IL17RD: variants seen among roughly 807,000 people sequenced by gnomAD.
IL17RD encodes interleukin 17 receptor D.
IL17RD carries 52 observed loss-of-function variants against 80.5 expected under a neutral mutation model. The ratio of observed to expected loss-of-function variants is 0.65; its 90% CI spans 0.52 to 0.81. IL17RD has a LOEUF of 0.81. IL17RD is among the 40% of genes least tolerant of loss of function. The probability of loss-of-function intolerance (pLI) is 0.00; values close to 1 mark genes in which losing one functional copy is unlikely to be tolerated. For missense variants in IL17RD, 1,024 were observed against 955.1 expected (o/e 1.07, Z -0.95); for synonymous variants, 416 against 391.8 (o/e 1.06, Z -0.73).
intron 1 of IL17RD, among the ~76,000 whole-genome samples, chr3:57,152,494 C>T (rs975716841): frequency 3.3e-5 from 5 of 152,178 alleles, no homozygotes; most frequent in African/African-American, 4.8e-5. Context: ...AACAAACGCC[C>T]GGCACACAGG....
At chr3:57,102,631 T>C (rs1332556157) in intron 9 of IL17RD, 42 bp from the exon 10 acceptor site, 12 of 1,075,968 alleles carry the variant, frequency 1.1e-5, no homozygotes, top group Non-Finnish European at 1.6e-5. Flanking sequence ...TTAAGCAGTG[T>C]AAAGGTTCAA....
chr3:57,101,118 G>A, intron 11 of IL17RD, 61 bp downstream of exon 11: 1 of 1,384,576 alleles, frequency 7.2e-7, no homozygotes, highest in Non-Finnish European at 1.0e-6. Flanking sequence ...GAAGGCAGCG[G>A]GGAGAGAGTA....
Position 57,103,433 on chromosome 3 carries a change from C to A in IL17RD, c.814-288G>T, listed in dbSNP as rs1463657. Among the ~76,000 whole-genome samples, 93,508 of 151,968 alleles carry A rather than the reference C, an allele frequency of 0.62. 30,035 individuals carry two copies. The highest frequency in any genetic ancestry group is 0.7 in the Non-Finnish European group (47,441 of 67,982). ...TGAAGAAGTCAGCTGGTGAGTCCCA[C>A]GTTCTAATAATGCTCAATTAAACTG... On this transcript the variant is annotated intron_variant, in intron 8 of 12. Coordinates refer to ENST00000296318, the MANE Select transcript of IL17RD (RefSeq NM_017563.5).
rs747476458 is a variant in IL17RD, at chr3:57,103,096, T to G, written c.863A>C (p.Lys288Thr). The G allele has an allele frequency of 1.3e-6, 2 of 1,598,872 alleles. No homozygotes were observed. The highest frequency in any genetic ancestry group is 1.7e-6 in the Non-Finnish European group (2 of 1,171,718). The part of the protein sequence containing the change: ...TTRKVMHYAL[K>T]PVHSPWAGPI... ...TCAAACAAAAAAGCACCTACCTGGC[T>G]TTAAGGCATAATGCATCACTTTTCT... Residue 288 changes from lysine (K) to threonine (T), a missense_variant, in exon 9 of 13, where the codon AAG (lysine) becomes ACG (threonine). Lys to Thr is a moderately conservative substitution (Grantham distance 78). Coordinates refer to ENST00000296318, the MANE Select transcript of IL17RD (RefSeq NM_017563.5).
chr3:57,148,093 G>T lies in IL17RD; in HGVS notation c.126+17068C>A, dbSNP rs868390293. Among the ~76,000 whole-genome samples the T allele has an allele frequency of 6.9e-5, 8 of 115,150 alleles. 1 individual carries two copies. Among genetic ancestry groups the T allele is most frequent in the Admixed American group, 6.3e-4 (7 of 11,126 alleles). The allele number at this position is 115,150 out of a possible 152,430, so 75.5% of individuals were successfully genotyped here. ...GCACTTTGGGAGGCCAAGGTTGGGG[G>T]GGGGGGGGGGGCGATCGCTAGGTCA... On this transcript the variant is annotated intron_variant, in intron 1 of 12. Coordinates refer to ENST00000296318, the MANE Select transcript of IL17RD (RefSeq NM_017563.5).
chr3:57,154,283 T>TATATACACACACACACACACACACACAC (rs904157398), intron 1 of IL17RD, among the ~76,000 whole-genome samples: 20 of 112,900 alleles, frequency 1.8e-4, no homozygotes, highest in African/African-American at 6.0e-4. Context: ...TATATATATA[T>TATATACACACACACACACACACACACAC]ACACACACAC....
rs77254065 is a variant in IL17RD at position 57,145,616 on chromosome 3, T to C, written c.126+19545A>G. ...GTGAGATGAAAAACAGACACCCAGG[T>C]GCAAGGGGCAAGTGTCTAGGTAGCA... On this transcript the variant is annotated intron_variant, in intron 1 of 12. Coordinates refer to ENST00000296318, the MANE Select transcript of IL17RD (RefSeq NM_017563.5). Among the ~76,000 whole-genome samples the C allele has an allele frequency of 8.8e-3, 1,334 of 152,262 alleles. 12 individuals carry two copies. The highest frequency in any genetic ancestry group is 0.017 in the Admixed American group (260 of 15,294).
At chr3:57,148,104 G>GGAGC (rs1491387894) in intron 1 of IL17RD, among the ~76,000 whole-genome samples, 3 of 44,296 alleles carry the variant, frequency 6.8e-5, no homozygotes, top group South Asian at 9.9e-4. Flanking sequence ...GGGGGGGGGG[G>GGAGC]CGATCGCTAG....
At chr3:57,146,887 G>GC (rs1318020433) in intron 1 of IL17RD, among the ~76,000 whole-genome samples, 13,052 of 132,998 alleles carry the variant, frequency 0.098, 2,051 homozygotes, top group African/African-American at 0.34. Flanking sequence ...GCACAATCTT[G>GC]ACTCACTGCA....
rs1240430381 is a variant in IL17RD at position 57,090,326 on chromosome 3, T to C, written c.*6067A>G. On this transcript the variant is annotated 3_prime_UTR_variant, in exon 13 of 13. Coordinates refer to ENST00000296318, the MANE Select transcript of IL17RD (RefSeq NM_017563.5). ...AAATAGGAGTTACTTACTATCTAGATGAACACAATTGGTTTTCACAAAAGC... is the reference window on the plus strand; with the variant it reads ...AAATAGGAGTTACTTACTATCTAGACGAACACAATTGGTTTTCACAAAAGC... 6.6e-6 allele frequency: 1 copy of C among 152,374 alleles called. No homozygotes were observed. The highest frequency in any genetic ancestry group is 2.1e-4 in the South Asian group (1 of 4,838). The allele number at this position is 152,374 out of a possible 1,614,324, so 9.4% of individuals were successfully genotyped here.
intron 1 of IL17RD, among the ~76,000 whole-genome samples, chr3:57,130,845 A>G: frequency 6.6e-6 from 1 of 152,208 alleles, no homozygotes; most frequent in Non-Finnish European, 1.5e-5. Flanking sequence ...GCCAACAACA[A>G]CAACAAAAAA....
intron 11 of IL17RD, among the ~76,000 whole-genome samples, chr3:57,098,872 A>C (rs1362126610): frequency 6.6e-6 from 1 of 152,240 alleles, no homozygotes; most frequent in Non-Finnish European, 1.5e-5. Context: ...GATATCCTCA[A>C]GGAAGCAACA....
intron 1 of IL17RD, among the ~76,000 whole-genome samples, chr3:57,123,372 C>T (rs995410116): frequency 6.6e-6 from 1 of 152,232 alleles, no homozygotes; most frequent in African/African-American, 2.4e-5. Context: ...TGCCTACCTT[C>T]CCAGTCACTC....
In IL17RD at chr3:57,109,473, G is replaced by A; in HGVS notation, c.550+64C>T. On this transcript the variant is annotated intron_variant, in intron 5 of 12. Coordinates refer to ENST00000296318, the MANE Select transcript of IL17RD (RefSeq NM_017563.5). ...GCACGTTCTTGAACACATTTCTGTA[G>A]AAAAATCATTAAAAGCGGAGAAAAG... 4 of 1,573,424 alleles carry A rather than the reference G, an allele frequency of 2.5e-6. No individual in the cohort carries two copies. The South Asian group carries it at 3.5e-5, about 14-fold the overall frequency.
intron 1 of IL17RD, among the ~76,000 whole-genome samples, chr3:57,138,939 CAAAA>C (rs1026336884): frequency 2.0e-4 from 8 of 40,492 alleles, no homozygotes; most frequent in Non-Finnish European, 4.0e-4. Context: ...AACTCCATCT[CAAAA>C]AAAAAAAAAA....
chr3:57,169,122 C>A, upstream of IL17RD: 2 of 428,572 alleles, frequency 4.7e-6, no homozygotes, highest in Admixed American at 2.5e-5. Context: ...CCAGGCCCCA[C>A]ATGCCTTTCA....
chr3:57,148,155 C>A (rs1057397737), intron 1 of IL17RD, among the ~76,000 whole-genome samples: 5 of 146,376 alleles, frequency 3.4e-5, no homozygotes, highest in African/African-American at 1.3e-4. Context: ...CAGTGAAACC[C>A]CGTCTCTACT....
Position 57,165,279 on chromosome 3 carries a change from G to C in IL17RD, c.8C>G (p.Pro3Arg), listed in dbSNP as rs1379253464. The C allele has an allele frequency of 4.0e-6, 6 of 1,505,566 alleles. No homozygotes were observed. The highest frequency in any genetic ancestry group is 5.3e-6 in the Non-Finnish European group (6 of 1,127,354). The allele number at this position is 1,505,566 out of a possible 1,614,324, so 93.3% of individuals were successfully genotyped here. ...GAAGACGGAGCAGAGCTGCAGCCAC[G>C]GGGCCATGGCCGTGCGCTCGCCCAG... is the stretch of plus-strand genomic sequence containing the variant. The part of the protein sequence containing the change: MA[P>R]WLQLCSVFFT... Residue 3 changes from proline to arginine, a missense_variant, in exon 1 of 13, where the codon CCG (proline) becomes CGG (arginine). Transcript: ENST00000296318.
intron 1 of IL17RD, among the ~76,000 whole-genome samples, chr3:57,127,307 A>AATATATATAAAT (rs1559477039): frequency 2.4e-4 from 19 of 80,052 alleles, no homozygotes; most frequent in Middle Eastern, 5.6e-3. Flanking sequence ...TATATATAAA[A>AATATATATAAAT]ATATATAAAA....
Sources: allele counts gnomAD v4.1 joint callset (sites outside exome capture counted in the v4.1 genomes callset), GRCh38; gene constraint gnomAD v4.1.1; transcripts MANE v1.5; gene names NCBI Gene and HGNC (gene_info 2026-07-23, HGNC 2026-07-21).